Variants in FMN1 observed in about 807,000 individuals in gnomAD.
FMN1 encodes the protein formin-1.
Under a neutral mutation model 132.4 loss-of-function variants are expected in FMN1, and 110 were observed. That is an observed-to-expected ratio of 0.83 (90% CI 0.71 to 0.97). The LOEUF (loss-of-function observed/expected upper bound fraction) is 0.97. Ranked by LOEUF, FMN1 falls within the 50% of genes least tolerant of loss-of-function variation. FMN1 has a pLI of 0.00. For missense variants in FMN1, 1,792 were observed against 1,705.3 expected, an observed-to-expected ratio of 1.05 and a Z score of -0.90; for synonymous variants, 722 against 651.7, an observed-to-expected ratio of 1.11 and a Z score of -1.64.
intron 19 of FMN1, among the ~76,000 whole-genome samples, chr15:32,780,667 G>A (rs1224614179): frequency 6.6e-6 from 1 of 152,082 alleles, no homozygotes; most frequent in Non-Finnish European, 1.5e-5. Flanking sequence ...CTCTTTTGGG[G>A]TCTGGATTGG....
intron 4 of FMN1, among the ~76,000 whole-genome samples, chr15:33,107,770 A>T (rs909356876): frequency 6.6e-6 from 1 of 152,140 alleles, no homozygotes; most frequent in Admixed American, 6.6e-5. Context: ...ATAATGAATG[A>T]GTCTCAAAAT....
At chr15:32,789,750 G>C (rs151313738) in intron 19 of FMN1, among the ~76,000 whole-genome samples, 45 of 152,166 alleles carry the variant, frequency 3.0e-4, no homozygotes, top group African/African-American at 1.1e-3. Flanking sequence ...TCCATTCATG[G>C]TTAAGCGCCC....
intron 7 of FMN1, among the ~76,000 whole-genome samples, chr15:32,982,353 T>A (rs559450200): frequency 2.4e-4 from 36 of 152,326 alleles, no homozygotes; most frequent in African/African-American, 6.7e-4. Flanking sequence ...GAAAGCAGTT[T>A]GGCCATTTCT....
At chr15:32,959,579 A>T (rs968025640) in intron 9 of FMN1, among the ~76,000 whole-genome samples, 3 of 152,208 alleles carry the variant, frequency 2.0e-5, no homozygotes, top group Non-Finnish European at 4.4e-5. Flanking sequence ...GCACTACACA[A>T]GTGCACGGAT....
intron 3 of FMN1, among the ~76,000 whole-genome samples, chr15:33,161,223 C>T (rs542075976): frequency 2.2e-4 from 34 of 152,318 alleles, no homozygotes; most frequent in African/African-American, 8.2e-4. Context: ...TCACACTCTA[C>T]CTTTCACACC....
intron 7 of FMN1, among the ~76,000 whole-genome samples, chr15:32,975,636 T>G (rs1379493157): frequency 1.3e-5 from 2 of 152,188 alleles, no homozygotes; most frequent in African/African-American, 4.8e-5. Flanking sequence ...CATCCAAATT[T>G]TTTTTTTAAT....
intron 3 of FMN1, among the ~76,000 whole-genome samples, chr15:33,166,258 T>C (rs532976783): frequency 1.3e-5 from 2 of 151,956 alleles, no homozygotes; most frequent in South Asian, 4.2e-4. Flanking sequence ...AAATCCAGGT[T>C]TCTGGACTCT....
At chr15:32,962,104 ATTT>A (rs2030631169) in intron 9 of FMN1, among the ~76,000 whole-genome samples, 1 of 139,810 alleles carries the variant, frequency 7.2e-6, no homozygotes, top group Non-Finnish European at 1.5e-5. Flanking sequence ...CAGGGCAAGG[ATTT>A]ATTATTATTA....
chr15:33,016,688 G>A (rs2035066298), intron 6 of FMN1, among the ~76,000 whole-genome samples: 1 of 152,182 alleles, frequency 6.6e-6, no homozygotes, highest in South Asian at 2.1e-4. Context: ...CAGCACACAC[G>A]TCAGCAAAAG....
chr15:33,132,308 C>T (rs533422695), intron 4 of FMN1, among the ~76,000 whole-genome samples: 3 of 152,256 alleles, frequency 2.0e-5, no homozygotes, highest in African/African-American at 7.2e-5. Context: ...TCTCTATAAC[C>T]ACACTTCTCA....
intron 19 of FMN1, among the ~76,000 whole-genome samples, chr15:32,787,155 AC>A (rs1363072869): frequency 6.6e-6 from 1 of 151,906 alleles, no homozygotes; most frequent in Non-Finnish European, 1.5e-5. Context: ...TAAGAAAAAA[AC>A]AACAACAAAC....
chr15:33,012,378 G>A lies in FMN1; in HGVS notation c.2162-4303C>T. On this transcript the variant is annotated intron_variant, in intron 6 of 20. Transcript: ENST00000616417. ...GTGGATGAAGAGTTGTGGAACCAAAGAGAGCTGTCTAAGAAGATTCTCAAA... is the reference window on the plus strand; with the variant it reads ...GTGGATGAAGAGTTGTGGAACCAAAAAGAGCTGTCTAAGAAGATTCTCAAA... 5 of 898,704 alleles carry A rather than the reference G, an allele frequency of 5.6e-6. No homozygotes were observed. In the Admixed American group the frequency reaches 6.8e-5, roughly 12 times the overall value. The allele number at this position is 898,704 out of a possible 1,614,324, so 55.7% of individuals were successfully genotyped here.
intron 9 of FMN1, among the ~76,000 whole-genome samples, chr15:32,954,182 A>G (rs1454209750): frequency 3.9e-5 from 6 of 152,184 alleles, no homozygotes; most frequent in Admixed American, 3.9e-4. Context: ...CCACTACATA[A>G]AAAACTTGGT....
chr15:33,192,184 T>G (rs763319468), intron 2 of FMN1, among the ~76,000 whole-genome samples: 5 of 152,160 alleles, frequency 3.3e-5, no homozygotes, highest in Non-Finnish European at 7.4e-5. Flanking sequence ...ATCCAAAACT[T>G]TAACGTAAAA....
chr15:32,917,543 T>C (rs950422583), intron 10 of FMN1, among the ~76,000 whole-genome samples: 3 of 152,200 alleles, frequency 2.0e-5, no homozygotes, highest in African/African-American at 7.2e-5. Context: ...CCAGGCATTG[T>C]TCTAAGTGTT....
At chr15:32,800,956 G>A (rs1273305637) in intron 18 of FMN1, among the ~76,000 whole-genome samples, 1 of 152,048 alleles carries the variant, frequency 6.6e-6, no homozygotes, top group Non-Finnish European at 1.5e-5. Context: ...ATATTTATTT[G>A]AGCATTCATG....
At chr15:33,132,337 A>G (rs1367141471) in intron 4 of FMN1, among the ~76,000 whole-genome samples, 1 of 152,094 alleles carries the variant, frequency 6.6e-6, no homozygotes, top group Admixed American at 6.5e-5. Flanking sequence ...CTCTTGTACT[A>G]CTGTAGTCTA....
chr15:33,112,228 T>C (rs1221686923), intron 4 of FMN1, among the ~76,000 whole-genome samples: 3 of 152,110 alleles, frequency 2.0e-5, no homozygotes, highest in Non-Finnish European at 4.4e-5. Context: ...ATTATAAAGG[T>C]ATAATTAAAG....
At chr15:33,172,977 C>T (rs1965384790) in intron 3 of FMN1, among the ~76,000 whole-genome samples, 1 of 152,124 alleles carries the variant, frequency 6.6e-6, no homozygotes, top group South Asian at 2.1e-4. Context: ...GCAGTAAGCA[C>T]AAGATTGATC....
Sources: gnomAD v4.1 joint callset for allele counts (sites outside exome capture counted in the v4.1 genomes callset) on GRCh38, gnomAD v4.1.1 for gene constraint, MANE v1.5 for transcripts, NCBI Gene and HGNC (gene_info 2026-07-23, HGNC 2026-07-21) for gene names.